Variants in PREX1 observed in about 807,000 individuals in gnomAD.
PREX1 encodes phosphatidylinositol-3,4,5-trisphosphate dependent Rac exchange factor 1.
In PREX1, 41 loss-of-function variants were observed where a neutral mutation model predicts 198.3. The observed-to-expected ratio is 0.21, with a 90% CI of 0.16 to 0.27. The LOEUF (loss-of-function observed/expected upper bound fraction) is 0.27, where lower values mean the gene tolerates loss of function less well. Among genes scored for constraint, PREX1 ranks in the 10% least tolerant of loss-of-function variants. PREX1 has a pLI of 1.00. For synonymous variants in PREX1, 843 were observed against 887.2 expected (o/e 0.95, Z 0.89); for missense variants, 1,620 against 2,200.7 (o/e 0.74, Z 5.28).
intron 1 of PREX1, among the ~76,000 whole-genome samples, chr20:48,816,143 G>T (rs1288541446): frequency 6.6e-6 from 1 of 151,884 alleles, no homozygotes; most frequent in Admixed American, 6.6e-5. Context: ...GCCCCGTCTC[G>T]CTCAGAATGA....
intron 1 of PREX1, among the ~76,000 whole-genome samples, chr20:48,772,426 C>A (rs756747505): frequency 3.9e-5 from 6 of 152,258 alleles, no homozygotes; most frequent in Admixed American, 1.3e-4. Context: ...CTGGGTGAGA[C>A]GTGCCCATGG....
At position 48,650,972 on chromosome 20, in the gene PREX1, G is replaced by A. The variant is rs1206653670; in HGVS notation, c.2739C>T (p.Thr913=). 2 of 1,614,192 alleles carry A rather than the reference G, an allele frequency of 1.2e-6. No individual in the cohort carries two copies. The highest frequency in any genetic ancestry group is 3.3e-5 in the Admixed American group (2 of 60,022). ...RLMALSSAIV[T]MPHFEFRNIC... is the part of the protein sequence containing the mutation. ...TGTTGCGGAACTCAAAGTGGGGCAT[G>A]GTCACGATGGCGCTGCTCAGGGCCA... The change falls in exon 23 of 40, where the codon ACC becomes ACT. Residue 913 remains threonine (T), a synonymous_variant. Coordinates refer to ENST00000371941, the MANE Select transcript of PREX1 (RefSeq NM_020820.4).
At chr20:48,796,002 G>A (rs181499200) in intron 1 of PREX1, among the ~76,000 whole-genome samples, 21 of 152,296 alleles carry the variant, frequency 1.4e-4, no homozygotes, top group Non-Finnish European at 2.6e-4. Context: ...GATCTGGAAA[G>A]CTGCACACCA....
intron 1 of PREX1, among the ~76,000 whole-genome samples, chr20:48,811,126 T>C (rs1041547521): frequency 1.3e-5 from 2 of 152,096 alleles, no homozygotes; most frequent in Admixed American, 6.5e-5. Flanking sequence ...CCAGAAATAA[T>C]AGGTTTTTGT....
At chr20:48,680,489 A>G (rs2089742512) in intron 11 of PREX1, among the ~76,000 whole-genome samples, 2 of 152,042 alleles carry the variant, frequency 1.3e-5, no homozygotes, top group African/African-American at 4.8e-5. Context: ...ATAGGATCTC[A>G]TCTCACCTCC....
In PREX1 at chr20:48,630,712, G is replaced by A. The variant is rs1568789308; in HGVS notation, c.4593+16C>T. 6.4e-7 allele frequency: 1 copy of A among 1,568,124 alleles called. No individual in the cohort carries two copies. Among genetic ancestry groups the A allele is most frequent in the African/African-American group, 1.4e-5 (1 of 73,978 alleles). On this transcript the variant is annotated intron_variant, in intron 36 of 39. Transcript: ENST00000371941. ...CCTGCCCAAGCTCCCTGCAGCAGGA[G>A]GGCACGTGGACATACCTGGTCTATC... is the stretch of plus-strand genomic sequence containing the variant.
At chr20:48,839,674 CA>C in the PREX1 span, among the ~76,000 whole-genome samples, 1 of 152,216 alleles carries the variant, frequency 6.6e-6, no homozygotes, top group African/African-American at 2.4e-5. Flanking sequence ...AGGCCTCTTG[CA>C]GGTGGGTGGA....
At chr20:48,876,189 C>G in the PREX1 span, among the ~76,000 whole-genome samples, 1 of 152,098 alleles carries the variant, frequency 6.6e-6, no homozygotes, top group Non-Finnish European at 1.5e-5. Flanking sequence ...TATCCCCAGT[C>G]CAGGGGTCAG....
intron 8 of PREX1, 27 bp downstream of exon 8, chr20:48,692,645 C>A: frequency 1.3e-6 from 2 of 1,586,404 alleles, no homozygotes; most frequent in Non-Finnish European, 1.7e-6. Flanking sequence ...TCAGGCAGGG[C>A]TCAGGCAAGG....
intron 10 of PREX1, among the ~76,000 whole-genome samples, chr20:48,687,396 T>A (rs1568824426): frequency 6.6e-6 from 1 of 152,202 alleles, no homozygotes; most frequent in Admixed American, 6.5e-5. Flanking sequence ...AGTCCTGAAC[T>A]CCCTTTACTT....
chr20:48,826,232 A>G (rs559375979), intron 1 of PREX1, among the ~76,000 whole-genome samples: 8 of 152,180 alleles, frequency 5.3e-5, no homozygotes, highest in Admixed American at 6.5e-5. Context: ...CAGGATTAAA[A>G]GACTTCCTAG....
intron 1 of PREX1, among the ~76,000 whole-genome samples, chr20:48,788,620 CTCTTA>C (rs2090323796): frequency 2.0e-5 from 3 of 152,196 alleles, no homozygotes; most frequent in African/African-American, 7.2e-5. Flanking sequence ...TATACTTCTT[CTCTTA>C]TATGAGTCTG....
intron 33 of PREX1, 93 bp downstream of exon 33, chr20:48,634,583 A>G: frequency 7.6e-7 from 1 of 1,319,668 alleles, no homozygotes; most frequent in Non-Finnish European, 1.1e-6. Flanking sequence ...CAGCTGGCCC[A>G]GAGGCAGGGG....
At chr20:48,642,696 G>A in intron 27 of PREX1, 1 of 535,902 alleles carries the variant, frequency 1.9e-6, no homozygotes, top group Non-Finnish European at 3.3e-6. Flanking sequence ...ATGGACAACA[G>A]GCACTAACGC....
chr20:48,628,409 CA>C (rs2122801543), intron 37 of PREX1, among the ~76,000 whole-genome samples: 1 of 152,254 alleles, frequency 6.6e-6, no homozygotes, highest in South Asian at 2.1e-4. Flanking sequence ...TCTAGGATTC[CA>C]ATCCTGTCCC....
At chr20:48,811,176 C>A (rs2090432180) in intron 1 of PREX1, among the ~76,000 whole-genome samples, 2 of 144,472 alleles carry the variant, frequency 1.4e-5, no homozygotes, top group Non-Finnish European at 3.1e-5. Context: ...AAGTAAATAA[C>A]AATTTTTTTT....
intron 1 of PREX1, among the ~76,000 whole-genome samples, chr20:48,750,767 C>T (rs1375647331): frequency 2.0e-5 from 3 of 152,184 alleles, no homozygotes; most frequent in Non-Finnish European, 4.4e-5. Flanking sequence ...GCAATCTATA[C>T]AAGCTCCTAA....
chr20:48,668,321 C>G (rs369251001), intron 14 of PREX1, among the ~76,000 whole-genome samples: 1 of 152,196 alleles, frequency 6.6e-6, no homozygotes, highest in Non-Finnish European at 1.5e-5. Context: ...GGCCAGGAGC[C>G]GGCACTGCTG....
At chr20:48,765,657 C>A (rs1249022761) in intron 1 of PREX1, among the ~76,000 whole-genome samples, 1 of 152,166 alleles carries the variant, frequency 6.6e-6, no homozygotes, top group Non-Finnish European at 1.5e-5. Flanking sequence ...TAAGTGCAGG[C>A]CCCAGGGGCT....
Sources: gnomAD v4.1 joint callset for allele counts (sites outside exome capture counted in the v4.1 genomes callset) on GRCh38, gnomAD v4.1.1 for gene constraint, MANE v1.5 for transcripts, NCBI Gene and HGNC (gene_info 2026-07-23, HGNC 2026-07-21) for gene names.